The following TRIP13 variants were observed in gnomAD, a reference collection of about 807,000 sequenced individuals.
TRIP13 encodes pachytene checkpoint protein 2 homolog.
Under a neutral mutation model 54.4 loss-of-function variants are expected in TRIP13, and 25 were observed. The observed-to-expected ratio is 0.46, with a 90% CI of 0.33 to 0.64. The LOEUF is 0.64. Among genes scored for constraint, TRIP13 ranks in the 30% least tolerant of loss-of-function variants. TRIP13 has a pLI of 0.02. For synonymous variants in TRIP13, 207 were observed against 207.8 expected (o/e 1.00, Z 0.03); for missense variants, 373 against 534.2 (o/e 0.70, Z 2.97).
chr5:907,145 A>C lies in TRIP13; in HGVS notation c.624A>C (p.Gln208His). 1 of 1,614,148 alleles carries C rather than the reference A, an allele frequency of 6.2e-7. No homozygotes were observed. Residue 208 changes from glutamine to histidine, a missense_variant, in exon 7 of 13, where the codon CAA becomes CAC. Coordinates refer to ENST00000166345, the MANE Select transcript of TRIP13 (RefSeq NM_004237.4). This position sits in a 1 kb window ranked among gnomAD's most constrained non-coding sequence, Gnocchi z 4.1. ...IRLSSRYRYGQLIEINSHSLF... is the reference protein window; with the variant it reads ...IRLSSRYRYGHLIEINSHSLF... Reference sequence around the variant, plus strand: ...TCTATCTCAGGTACCGATATGGCCAATTAATTGAAATAAACAGCCACAGCC... The same window carrying C: ...TCTATCTCAGGTACCGATATGGCCACTTAATTGAAATAAACAGCCACAGCC...
chr5:911,866 C>G lies in TRIP13; in HGVS notation c.890C>G (p.Thr297Ser), dbSNP rs1416557494. The change falls in exon 10 of 13, where the codon ACC (threonine) becomes AGC (serine). Residue 297 changes from threonine to serine, a missense_variant. By Grantham distance (58) the Thr-to-Ser change is moderately conservative. This residue lies in a region of TRIP13 where 119 missense variants were observed against 223.0 expected (regional missense o/e 0.53). Coordinates refer to ENST00000166345, the MANE Select transcript of TRIP13 (RefSeq NM_004237.4). The surrounding 1 kb of genome is among the most constrained non-coding windows in gnomAD (Gnocchi z 4.7). ...AGGCATTCCAATGTTGTGATTCTGA[C>G]CACTTCTAACATCACCGAGAAGATC... Reference protein sequence around the residue: ...IKRHSNVVILTTSNITEKIDV... With the variant: ...IKRHSNVVILSTSNITEKIDV... 1.2e-6 allele frequency: 2 copies of G among 1,611,532 alleles called. No homozygotes were observed. Among genetic ancestry groups the G allele is most frequent in the East Asian group, 4.5e-5 (2 of 44,860 alleles).
chr5:896,871 G>A (rs1216723241), intron 3 of TRIP13, 77 bp downstream of exon 3: 2 of 1,464,386 alleles, frequency 1.4e-6, no homozygotes, highest in African/African-American at 1.4e-5. Context: ...AGTTCACAGG[G>A]GGGGTTCTGT....
intron 3 of TRIP13, among the ~76,000 whole-genome samples, chr5:900,052 T>A (rs187686732): frequency 6.6e-6 from 1 of 152,316 alleles, no homozygotes; most frequent in African/African-American, 2.4e-5. Flanking sequence ...TAAAAGACAA[T>A]TGTAAGTGGC....
intron 6 of TRIP13, among the ~76,000 whole-genome samples, chr5:905,426 ATTTC>A (rs1754094127): frequency 6.6e-6 from 1 of 152,088 alleles, no homozygotes; most frequent in South Asian, 2.1e-4. Flanking sequence ...CTTCTGAGGT[ATTTC>A]TTCATATTTC....
Position 908,533 on chromosome 5 carries a change from G to A in TRIP13, c.866+72G>A. ...TGTCCCAAAGAAATGCGTGATACTT[G>A]TGCAACCCTAGATCTTAGTGCCCAG... On this transcript the variant is annotated intron_variant, in intron 9 of 12. Coordinates refer to ENST00000166345, the MANE Select transcript of TRIP13 (RefSeq NM_004237.4). This position sits in a 1 kb window ranked among gnomAD's most constrained non-coding sequence, Gnocchi z 5.2. The A allele has an allele frequency of 6.3e-7, 1 of 1,594,810 alleles. No homozygotes were observed. Among genetic ancestry groups the A allele is most frequent in the Non-Finnish European group, 8.5e-7 (1 of 1,172,080 alleles).
At chr5:910,658 A>G (rs1754212009) in intron 9 of TRIP13, among the ~76,000 whole-genome samples, 1 of 152,044 alleles carries the variant, frequency 6.6e-6, no homozygotes, top group Non-Finnish European at 1.5e-5. Flanking sequence ...TCTTGCCTTC[A>G]TTCCCTCGTG....
chr5:916,896 A>T, intron 12 of TRIP13, 112 bp from the exon 13 acceptor site: 1 of 826,078 alleles, frequency 1.2e-6, no homozygotes, highest in African/African-American at 1.7e-5. Flanking sequence ...CTTATCAGCT[A>T]CCACCCCCTT....
Position 907,345 on chromosome 5 carries a change from G to A in TRIP13, c.672+152G>A, listed in dbSNP as rs557511144. 1.0e-4 allele frequency: 74 copies of A among 713,606 alleles called. 1 individual carries two copies. Among genetic ancestry groups the A allele is most frequent in the South Asian group, 2.0e-4 (11 of 53,910 alleles). The allele number at this position is 713,606 out of a possible 1,614,324, so 44.2% of individuals were successfully genotyped here. ...GCTGACTGTGATCAGAGAAGGTTCC[G>A]GAGCTGGGGCCCTTGGGGACCCTCC... On this transcript the variant is annotated intron_variant, in intron 7 of 12. Coordinates refer to ENST00000166345, the MANE Select transcript of TRIP13 (RefSeq NM_004237.4). This position sits in a 1 kb window ranked among gnomAD's most constrained non-coding sequence, Gnocchi z 4.1.
rs190411650 is a variant in TRIP13, at chr5:912,577, G to A, written c.1020+581G>A. ...GCGTGTGTGAGTCAGGAGGGCCGTC[G>A]CCACGGGCACAGTGACGTGCGGTGA... On this transcript the variant is annotated intron_variant, in intron 10 of 12. Coordinates refer to ENST00000166345, the MANE Select transcript of TRIP13 (RefSeq NM_004237.4). This position sits in a 1 kb window ranked among gnomAD's most constrained non-coding sequence, Gnocchi z 7.2. 2.0e-5 allele frequency among the ~76,000 whole-genome samples: 3 copies of A among 151,266 alleles called. No homozygotes were observed.
rs367951777 is a variant in TRIP13 at position 908,399 on chromosome 5, C to T, written c.804C>T (p.Thr268=). ...TAARNACRAG[T]EPSDAIRVVN... The stretch of plus-strand genomic sequence containing the variant: ...CCCGAAATGCCTGCAGGGCGGGCAC[C>T]GAGCCATCAGATGCCATCCGCGTGG... The change falls in exon 9 of 13, where the codon ACC becomes ACT. Residue 268 remains threonine, a synonymous_variant. Coordinates refer to ENST00000166345, the MANE Select transcript of TRIP13 (RefSeq NM_004237.4). The surrounding 1 kb of genome is among the most constrained non-coding windows in gnomAD (Gnocchi z 5.2). 134 of 1,613,356 alleles carry T rather than the reference C, an allele frequency of 8.3e-5. No individual in the cohort carries two copies. In the African/African-American group the frequency reaches 1.4e-3, roughly 17 times the overall value.
chr5:902,786 A>C (rs1392950008), intron 5 of TRIP13, among the ~76,000 whole-genome samples: 1 of 152,212 alleles, frequency 6.6e-6, no homozygotes, highest in African/African-American at 2.4e-5. Flanking sequence ...GGGGCAGGGT[A>C]AGGAGTGTGA....
rs1220770803 is a variant in TRIP13 at position 907,952 on chromosome 5, C to T, written c.673-36C>T. On this transcript the variant is annotated intron_variant, in intron 7 of 12. Transcript: ENST00000166345. The surrounding 1 kb of genome is among the most constrained non-coding windows in gnomAD (Gnocchi z 4.1). ...CCCTGTGCACCTGGCAGTGTGGTCC[C>T]TGCACGTTGACACTAAAAGGGTGTT... 1.9e-6 allele frequency: 3 copies of T among 1,610,312 alleles called. No homozygotes were observed. The highest frequency in any genetic ancestry group is 4.5e-5 in the East Asian group (2 of 44,868).
intron 12 of TRIP13, 32 bp from the exon 13 acceptor site, chr5:916,976 A>C: frequency 6.2e-7 from 1 of 1,603,556 alleles, no homozygotes; most frequent in Non-Finnish European, 8.5e-7. Flanking sequence ...ACGTGAGTTG[A>C]GCCCCTCCAG....
rs2150691372 is a variant in TRIP13, at chr5:913,419, C to T, written c.1021-1046C>T. Among the ~76,000 whole-genome samples the T allele has an allele frequency of 1.3e-5, 2 of 152,256 alleles. No individual in the cohort carries two copies. The highest frequency in any genetic ancestry group is 4.1e-4 in the South Asian group (2 of 4,824). On this transcript the variant is annotated intron_variant, in intron 10 of 12. Coordinates refer to ENST00000166345, the MANE Select transcript of TRIP13 (RefSeq NM_004237.4). The surrounding 1 kb of genome is among the most constrained non-coding windows in gnomAD (Gnocchi z 4.5). ...ACCTAGAGCTGGAGTACAGTGGTGC[C>T]ATCGCAGCTCACTGCAACCTCCGCC...
chr5:914,359 G>GT (rs1243557476), intron 10 of TRIP13, 106 bp from the exon 11 acceptor site: 2 of 735,002 alleles, frequency 2.7e-6, no homozygotes, highest in Admixed American at 4.2e-5. Context: ...TCTGTGAGAC[G>GT]TGGCGTGGTT....
At position 908,426 on chromosome 5, in the gene TRIP13, C is replaced by T; in HGVS notation, c.831C>T (p.Val277=). The T allele has an allele frequency of 6.2e-7, 1 of 1,613,836 alleles. No homozygotes were observed. Residue 277 remains valine, a synonymous_variant, in exon 9 of 13, where the codon GTC becomes GTT. Coordinates refer to ENST00000166345, the MANE Select transcript of TRIP13 (RefSeq NM_004237.4). The surrounding 1 kb of genome is among the most constrained non-coding windows in gnomAD (Gnocchi z 5.2). ...GTEPSDAIRV[V]NAVLTQIDQI... ...AGCCATCAGATGCCATCCGCGTGGT[C>T]AATGCTGTCTTGACCCAAATTGATC...
chr5:906,054 A>G lies in TRIP13; in HGVS notation c.609-1076A>G, dbSNP rs181998858. ...AACATGGAGAAACCCTGTCTCTACA[A>G]AAAAATACAAAAAATTAGCTGGGAG... On this transcript the variant is annotated intron_variant, in intron 6 of 12. Transcript: ENST00000166345. 4.6e-5 allele frequency among the ~76,000 whole-genome samples: 7 copies of G among 152,204 alleles called. No individual in the cohort carries two copies. The East Asian group carries it at 1.4e-3, about 29-fold the overall frequency.
intron 12 of TRIP13, 94 bp downstream of exon 12, chr5:916,067 AT>A: frequency 7.7e-7 from 1 of 1,294,036 alleles, no homozygotes; most frequent in Non-Finnish European, 1.1e-6. Flanking sequence ...TATCAGCCTC[AT>A]TTTATCTCAG....
rs77374664 is a variant in TRIP13 at position 913,250 on chromosome 5, G to C, written c.1021-1215G>C. Among the ~76,000 whole-genome samples, 25 of 152,358 alleles carry C rather than the reference G, an allele frequency of 1.6e-4. No individual in the cohort carries two copies. Among genetic ancestry groups the C allele is most frequent in the East Asian group, 7.7e-4 (4 of 5,188 alleles). ...GTGTGGGTTCCAGCCCTCGCAGTGTGACGTTTATACACTTGTACACTCGTG... is the reference window on the plus strand; with the variant it reads ...GTGTGGGTTCCAGCCCTCGCAGTGTCACGTTTATACACTTGTACACTCGTG... On this transcript the variant is annotated intron_variant, in intron 10 of 12. Coordinates refer to ENST00000166345, the MANE Select transcript of TRIP13 (RefSeq NM_004237.4). The surrounding 1 kb of genome is among the most constrained non-coding windows in gnomAD (Gnocchi z 4.5).
Sources: allele counts gnomAD v4.1 joint callset (sites outside exome capture counted in the v4.1 genomes callset), GRCh38; gene constraint gnomAD v4.1.1; regional missense constraint gnomAD v4.1.1; non-coding constraint Gnocchi (gnomAD v3.1); transcripts MANE v1.5; gene names NCBI Gene and HGNC (gene_info 2026-07-23, HGNC 2026-07-21).